The following HOOK2 variants were observed in gnomAD, a reference collection of about 807,000 sequenced individuals.
HOOK2 encodes protein Hook homolog 2.
Under a neutral mutation model 111.9 loss-of-function variants are expected in HOOK2, and 108 were observed. The ratio of observed to expected loss-of-function variants is 0.96; its 90% confidence interval spans 0.83 to 1.13. The LOEUF (loss-of-function observed/expected upper bound fraction) is 1.13. Ranked by LOEUF, HOOK2 falls within the 50% of genes most tolerant of loss-of-function variation. The probability of loss-of-function intolerance (pLI) is 0.00; values close to 1 mark genes in which losing one functional copy is unlikely to be tolerated. For missense variants in HOOK2, 978 were observed against 951.3 expected (o/e 1.03, Z -0.37); for synonymous variants, 405 against 394.3 (o/e 1.03, Z -0.32).
intron 12 of HOOK2, 46 bp downstream of exon 12, chr19:12,767,967 C>T: frequency 6.2e-7 from 1 of 1,611,104 alleles, no homozygotes; most frequent in South Asian, 1.1e-5. Context: ...ATGGGCTACC[C>T]CAGAATTGGC....
intron 10 of HOOK2, among the ~76,000 whole-genome samples, chr19:12,770,634 T>C (rs1968293945): frequency 7.1e-6 from 1 of 139,986 alleles, no homozygotes; most frequent in South Asian, 2.3e-4. Context: ...CTGCAGAGCA[T>C]TGTAGGGGAG....
upstream of HOOK2, chr19:12,778,243 AG>A (rs1424118287): frequency 6.6e-6 from 1 of 152,270 alleles, no homozygotes; most frequent in Non-Finnish European, 1.5e-5. Context: ...GCCCCGGAGC[AG>A]GGTGGGCAAA....
In HOOK2 at chr19:12,786,057, GAGAA is replaced by G. The variant is rs1246445119; in HGVS notation, n.42-11836_42-11833del. Among the ~76,000 whole-genome samples, 2 of 152,192 alleles carry G rather than the reference GAGAA, an allele frequency of 1.3e-5. No individual in the cohort carries two copies. Among genetic ancestry groups the G allele is most frequent in the East Asian group, 1.9e-4 (1 of 5,188 alleles). ...GCCCAACCATGTCAGCCTGGAGAGAGAGAAAGAGAGAGACTCTCCTTCCTGCTTC... is the reference window on the plus strand; with the variant it reads ...GCCCAACCATGTCAGCCTGGAGAGAGAGAGAGAGACTCTCCTTCCTGCTTC... On this transcript the variant is annotated intron_variant and non_coding_transcript_variant, in intron 3 of 3. Coordinates refer to the HOOK2 transcript ENST00000589765. The surrounding 1 kb of genome is among the most constrained non-coding windows in gnomAD (Gnocchi z 4.3).
In HOOK2 at chr19:12,772,919, A is replaced by T. The variant is rs1289020662; in HGVS notation, c.256-7T>A. 6.2e-7 allele frequency: 1 copy of T among 1,614,188 alleles called. No homozygotes were observed. Among genetic ancestry groups the T allele is most frequent in the South Asian group, 1.1e-5 (1 of 91,088 alleles). ...ACACAGGATGCGCCAGGACCTGGGG[A>T]GAAGGGGGTGTCAGGGGCTCATGGG... On this transcript the variant is annotated splice_region_variant and splice_polypyrimidine_tract_variant and intron_variant, in intron 4 of 22. Coordinates refer to ENST00000397668, the MANE Select transcript of HOOK2 (RefSeq NM_013312.3).
At chr19:12,778,456 C>T (rs537403186), upstream of HOOK2, 1 of 152,388 alleles carries the variant, frequency 6.6e-6, no homozygotes, top group Admixed American at 6.5e-5. Flanking sequence ...GGACAAGGGC[C>T]GGCAGCGCTG....
At chr19:12,775,559 C>T, upstream of HOOK2, 1 of 1,034,156 alleles carries the variant, frequency 9.7e-7, no homozygotes, top group South Asian at 2.4e-5. Flanking sequence ...GCCTAGAGCG[C>T]CGCCCCGCCC....
chr19:12,764,973 C>A (rs1207580219), intron 19 of HOOK2, 26 bp downstream of exon 19: 1 of 1,614,078 alleles, frequency 6.2e-7, no homozygotes, highest in Non-Finnish European at 8.5e-7. Context: ...GATCTCCCCA[C>A]CCTCTGGTCA....
chr19:12,767,691 T>C lies in HOOK2; in HGVS notation c.1303+125A>G, dbSNP rs1272899612. On this transcript the variant is annotated intron_variant, in intron 13 of 22. Transcript: ENST00000397668. ...CTCTCTTCAATTTGACCGTGTCACC[T>C]CTTTCTGGTCACCTCCAGCCTGGCC... The C allele has an allele frequency of 1.9e-5, 18 of 941,472 alleles. No homozygotes were observed. The East Asian group carries it at 4.7e-4, about 25-fold the overall frequency. The allele number at this position is 941,472 out of a possible 1,614,324, so 58.3% of individuals were successfully genotyped here.
chr19:12,783,429 G>A (rs1246689291), upstream of HOOK2, among the ~76,000 whole-genome samples: 3 of 150,192 alleles, frequency 2.0e-5, no homozygotes, highest in East Asian at 4.0e-4. Context: ...CCGTCGCGGC[G>A]ATGAAACGGT....
At chr19:12,792,028 A>G in intron 3 of HOOK2, 1 of 1,611,286 alleles carries the variant, frequency 6.2e-7, no homozygotes, top group Non-Finnish European at 8.5e-7. Flanking sequence ...GCCTCTTCGG[A>G]GCTGGAACGC....
rs1398637320 is a variant in HOOK2, at chr19:12,771,089, A to T, written c.762-17T>A. ...CTCTCCAGCCTGGGGGTGTTGGGGG[A>T]AGAGCACATGAGGGGGCTGCCCTCC... On this transcript the variant is annotated splice_polypyrimidine_tract_variant and intron_variant, in intron 9 of 22. Coordinates refer to ENST00000397668, the MANE Select transcript of HOOK2 (RefSeq NM_013312.3). 1.2e-6 allele frequency: 2 copies of T among 1,611,628 alleles called. No individual in the cohort carries two copies. Among genetic ancestry groups the T allele is most frequent in the East Asian group, 4.5e-5 (2 of 44,794 alleles).
chr19:12,775,873 C>CTTTTTTTTTT (rs775787302), upstream of HOOK2, among the ~76,000 whole-genome samples: 21 of 103,832 alleles, frequency 2.0e-4, 1 homozygote, highest in African/African-American at 8.1e-4. Flanking sequence ...TAAGTAAATT[C>CTTTTTTTTTT]TTTTTTTTTT....
At chr19:12,765,781 T>C (rs1459308220) in intron 17 of HOOK2, 48 bp downstream of exon 17, 1 of 1,613,996 alleles carries the variant, frequency 6.2e-7, no homozygotes, top group African/African-American at 1.3e-5. Flanking sequence ...TAATTCTTCC[T>C]TCCCAGGGTG....
intron 14 of HOOK2, among the ~76,000 whole-genome samples, chr19:12,767,018 C>T (rs1968173956): frequency 6.6e-6 from 1 of 152,188 alleles, no homozygotes; most frequent in Non-Finnish European, 1.5e-5. Flanking sequence ...GCATGATCCA[C>T]CGTGCCTGGC....
In HOOK2 at chr19:12,791,757, G is replaced by C. The variant is rs776522313; in HGVS notation, n.42-17532C>G. The C allele has an allele frequency of 6.3e-7, 1 of 1,585,706 alleles. No individual in the cohort carries two copies. The highest frequency in any genetic ancestry group is 1.1e-5 in the South Asian group (1 of 88,602). On this transcript the variant is annotated intron_variant and non_coding_transcript_variant, in intron 3 of 3. Coordinates refer to the HOOK2 transcript ENST00000589765. This position sits in a 1 kb window ranked among gnomAD's most constrained non-coding sequence, Gnocchi z 7.0. ...GCCCCGCAGGGACCCTCCCCAGACCGCCTGGGCCGCCCGGATGTGCACTAA... is the reference window on the plus strand; with the variant it reads ...GCCCCGCAGGGACCCTCCCCAGACCCCCTGGGCCGCCCGGATGTGCACTAA...
Position 12,786,432 on chromosome 19 carries a change from C to A in HOOK2, n.42-12207G>T, listed in dbSNP as rs969111072. ...GCCAAGACCAAAAGCCCCGAAGACACTTGTGGGTGGGGGTGGGTGAACTTC... is the reference window on the plus strand; with the variant it reads ...GCCAAGACCAAAAGCCCCGAAGACAATTGTGGGTGGGGGTGGGTGAACTTC... On this transcript the variant is annotated intron_variant and non_coding_transcript_variant, in intron 3 of 3. Transcript: ENST00000589765. This position sits in a 1 kb window ranked among gnomAD's most constrained non-coding sequence, Gnocchi z 4.3. 6.6e-6 allele frequency among the ~76,000 whole-genome samples: 1 copy of A among 152,082 alleles called. No individual in the cohort carries two copies. Among genetic ancestry groups the A allele is most frequent in the African/African-American group, 2.4e-5 (1 of 41,430 alleles).
chr19:12,784,226 C>T (rs769911249), intron 3 of HOOK2, among the ~76,000 whole-genome samples: 28 of 151,780 alleles, frequency 1.8e-4, no homozygotes, highest in Non-Finnish European at 3.2e-4. Flanking sequence ...AGGGGGCGGG[C>T]GGGGGGCTGT....
chr19:12,779,183 C>A (rs1968570915), upstream of HOOK2, among the ~76,000 whole-genome samples: 1 of 152,204 alleles, frequency 6.6e-6, no homozygotes, highest in South Asian at 2.1e-4. Flanking sequence ...CCAGGAACAG[C>A]TGGGCCCAGC....
chr19:12,767,512 C>G (rs1249550036), intron 13 of HOOK2, 48 bp from the exon 14 acceptor site: 1 of 1,476,140 alleles, frequency 6.8e-7, no homozygotes, highest in African/African-American at 1.4e-5. Context: ...TCCCCTGTCC[C>G]CGCCCCTAGG....
Sources: gnomAD v4.1 joint callset for allele counts (sites outside exome capture counted in the v4.1 genomes callset) on GRCh38, gnomAD v4.1.1 for gene constraint, Gnocchi (gnomAD v3.1) non-coding constraint, MANE v1.5 for transcripts, NCBI Gene and HGNC (gene_info 2026-07-23, HGNC 2026-07-21) for gene names.